The following HECTD4 variants were observed in gnomAD, a reference collection of about 807,000 sequenced individuals.
The protein encoded by HECTD4 is HECT domain E3 ubiquitin protein ligase 4, also known as probable E3 ubiquitin-protein ligase HECTD4.
HECTD4 carries 114 observed loss-of-function variants against 471.5 expected under a neutral mutation model. The observed-to-expected ratio is 0.24, with a 90% confidence interval of 0.21 to 0.28. The LOEUF (loss-of-function observed/expected upper bound fraction) is 0.28. Among genes scored for constraint, HECTD4 ranks in the 10% least tolerant of loss-of-function variants. The pLI is 1.00. For missense variants in HECTD4, 3,866 were observed against 5,651.5 expected (o/e 0.68, Z 10.13); for synonymous variants, 2,012 against 2,256.0 (o/e 0.89, Z 3.07).
rs1420274421 is a variant in HECTD4 at position 112,170,449 on chromosome 12, A to G, written c.11936T>C (p.Leu3979Pro). Residue 3979 changes from leucine (L) to proline (P), a missense_variant, in exon 69 of 76, where the codon CTG (leucine) becomes CCG (proline). By Grantham distance (98) the Leu-to-Pro change is moderately conservative. Around this residue, in one of 16 missense-constraint regions of HECTD4, gnomAD observed 715 missense variants for 1,087.6 expected, o/e 0.66. Transcript: ENST00000682272. ...GGTCACCTTCGTGTCATAGAAGATC[A>G]GCCCTAAGGAGAGGAACGTGGGAGA... Reference protein sequence around the residue: ...IAALLKEAKGLIFYDTKVTVM... With the variant: ...IAALLKEAKGPIFYDTKVTVM... 2.5e-6 allele frequency: 4 copies of G among 1,613,698 alleles called. No homozygotes were observed. The highest frequency in any genetic ancestry group is 1.7e-5 in the Admixed American group (1 of 59,986).
intron 1 of HECTD4, among the ~76,000 whole-genome samples, chr12:112,323,568 G>A (rs543617439): frequency 1.3e-5 from 2 of 151,520 alleles, no homozygotes; most frequent in South Asian, 2.1e-4. Context: ...GTTATGTTCT[G>A]TATGATTTCA....
In HECTD4 at chr12:112,230,743, A is replaced by G. The variant is rs1236722421; in HGVS notation, c.6280T>C (p.Leu2094=). ...GCATTTGATTCAGGTGCCATGAGCA[A>G]GCTATGTAGCAAGGCGATCACTTCT... The part of the protein sequence containing the change: ...AAEVIALLHS[L]LMAPESNAAQ... The change falls in exon 40 of 76, where the codon TTG becomes CTG. Residue 2094 remains leucine (L), a synonymous_variant. Transcript: ENST00000682272. 2.0e-5 allele frequency: 32 copies of G among 1,611,086 alleles called. No homozygotes were observed. The highest frequency in any genetic ancestry group is 2.7e-5 in the Non-Finnish European group (32 of 1,178,746).
intron 8 of HECTD4, among the ~76,000 whole-genome samples, chr12:112,281,456 G>A (rs999371657): frequency 6.6e-6 from 1 of 151,930 alleles, no homozygotes; most frequent in African/African-American, 2.4e-5. Flanking sequence ...TATTTCCATT[G>A]TTTAGGGTAA....
At position 112,308,850 on chromosome 12, in the gene HECTD4, C is replaced by A; in HGVS notation, c.1067G>T (p.Trp356Leu). The A allele has an allele frequency of 6.5e-7, 1 of 1,536,076 alleles. No homozygotes were observed. The highest frequency in any genetic ancestry group is 1.4e-5 in the African/African-American group (1 of 73,162). The change falls in exon 6 of 76, where the codon TGG becomes TTG. Residue 356 changes from tryptophan (W) to leucine (L), a missense_variant. This residue lies in a region of HECTD4 where 440 missense variants were observed against 636.0 expected (regional missense o/e 0.69). Transcript: ENST00000682272. ...YCRNEELEPG[W>L]VAFGSGSLLH... Reference sequence around the variant, plus strand: ...AAGACTGCCGCTGCCAAAAGCCACCCATCCTGGTTCCAACTCCTCGTTCCG... The same window carrying A: ...AAGACTGCCGCTGCCAAAAGCCACCAATCCTGGTTCCAACTCCTCGTTCCG...
intron 60 of HECTD4, among the ~76,000 whole-genome samples, chr12:112,186,681 A>G (rs1352860150): frequency 1.6e-5 from 2 of 128,138 alleles, no homozygotes; most frequent in African/African-American, 5.9e-5. Flanking sequence ...TTTTTTTTTA[A>G]ATTGAGACAG....
intron 1 of HECTD4, among the ~76,000 whole-genome samples, chr12:112,327,252 G>T (rs974296015): frequency 2.6e-5 from 4 of 152,160 alleles, no homozygotes; most frequent in African/African-American, 9.7e-5. Context: ...GGGAGGTGGA[G>T]GTTGCAGTAA....
chr12:112,311,641 GA>G (rs1297048814), intron 4 of HECTD4, among the ~76,000 whole-genome samples: 1 of 145,396 alleles, frequency 6.9e-6, no homozygotes, highest in Non-Finnish European at 1.5e-5. Flanking sequence ...AAAAAGAAAA[GA>G]AAAAGAAAAA....
chr12:112,291,972 C>G (rs1227335171), intron 7 of HECTD4, among the ~76,000 whole-genome samples: 1 of 152,206 alleles, frequency 6.6e-6, no homozygotes, highest in African/African-American at 2.4e-5. Flanking sequence ...TGGTTTGTCT[C>G]TTTAAGTCTC....
intron 32 of HECTD4, 65 bp from the exon 33 acceptor site, chr12:112,240,092 AG>A (rs1439601274): frequency 1.4e-5 from 22 of 1,531,562 alleles, no homozygotes; most frequent in Non-Finnish European, 1.9e-5. Flanking sequence ...TGAGCAGGAG[AG>A]GCCTCTTGAG....
At chr12:112,222,244 AT>A (rs2033117741) in intron 44 of HECTD4, among the ~76,000 whole-genome samples, 1 of 152,104 alleles carries the variant, frequency 6.6e-6, no homozygotes, top group African/African-American at 2.4e-5. Flanking sequence ...TTAAGTAGAG[AT>A]GGGGTTTCAC....
In HECTD4 at chr12:112,229,872, A is replaced by G; in HGVS notation, c.6345T>C (p.Ser2115=). 6.2e-7 allele frequency: 1 copy of G among 1,613,076 alleles called. No individual in the cohort carries two copies. The highest frequency in any genetic ancestry group is 1.3e-5 in the African/African-American group (1 of 75,036). ...ATTGTGGAATGTACATCAGTGCTCTAGACAGAACCTAAATATAGAAGCAGC... is the reference window on the plus strand; with the variant it reads ...ATTGTGGAATGTACATCAGTGCTCTGGACAGAACCTAAATATAGAAGCAGC... ...IWTTTAEKVL[S]RALMYIPQLG... The change falls in exon 41 of 76, where the codon TCT becomes TCC. Residue 2115 remains serine (S), a synonymous_variant. Transcript: ENST00000682272.
At chr12:112,231,855 T>G in intron 38 of HECTD4, 140 bp from the exon 39 acceptor site, 1 of 730,966 alleles carries the variant, frequency 1.4e-6, no homozygotes, top group South Asian at 1.9e-5. Flanking sequence ...ATATGTAGAG[T>G]AAAATTTCCA....
chr12:112,216,560 A>T (rs541484505), intron 47 of HECTD4, among the ~76,000 whole-genome samples, 189 bp from the exon 48 acceptor site: 1 of 152,322 alleles, frequency 6.6e-6, no homozygotes, highest in African/African-American at 2.4e-5. Context: ...AGGGTTATAG[A>T]ATTTGCAAAA....
Position 112,163,004 on chromosome 12 carries a change from G to A in HECTD4, c.13120+38C>T. 6.9e-7 allele frequency: 1 copy of A among 1,450,658 alleles called. No homozygotes were observed. 89.9% of individuals were successfully genotyped at this position (1,450,658 alleles called of 1,614,324 possible). On this transcript the variant is annotated intron_variant, in intron 75 of 75. Coordinates refer to ENST00000682272, the MANE Select transcript of HECTD4 (RefSeq NM_001388303.1). The surrounding 1 kb of genome is among the most constrained non-coding windows in gnomAD (Gnocchi z 8.2). ...CAGTTCCAAACAGAGAAAGGCTAGT[G>A]TGTCCCTACTTGGGACATGGCCAGG...
At position 112,210,088 on chromosome 12, in the gene HECTD4, G is replaced by A. The variant is rs769327415; in HGVS notation, c.7794C>T (p.Gly2598=). 2 of 1,614,034 alleles carry A rather than the reference G, an allele frequency of 1.2e-6. No individual in the cohort carries two copies. Among genetic ancestry groups the A allele is most frequent in the South Asian group, 2.2e-5 (2 of 91,086 alleles). ...TGCCTGGGTCTGATGCAATACTGGT[G>A]CCAGCATCATTGTCACTGTCAGATG... ...AMASDSDNDA[G]TSIASDPGTH... The change falls in exon 50 of 76, where the codon GGC becomes GGT. Residue 2598 remains glycine (G), a synonymous_variant. Transcript: ENST00000682272.
chr12:112,175,648 A>G, intron 66 of HECTD4, 88 bp downstream of exon 66: 1 of 1,435,690 alleles, frequency 7.0e-7, no homozygotes, highest in Non-Finnish European at 9.6e-7. Flanking sequence ...TCAACAGGGG[A>G]GACGGATCAG....
intron 13 of HECTD4, 122 bp from the exon 14 acceptor site, chr12:112,267,104 T>C (rs2034294109): frequency 3.1e-6 from 2 of 641,696 alleles, no homozygotes; most frequent in African/African-American, 3.7e-5. Context: ...GGCTGCGACA[T>C]CTGTCACCCC....
At chr12:112,241,071 C>T (rs1014632270) in intron 32 of HECTD4, among the ~76,000 whole-genome samples, 5 of 152,116 alleles carry the variant, frequency 3.3e-5, no homozygotes, top group Non-Finnish European at 5.9e-5. Context: ...AAGAACACTA[C>T]GGGAGACATC....
At position 112,269,801 on chromosome 12, in the gene HECTD4, T is replaced by C. The variant is rs552163355; in HGVS notation, c.2224A>G (p.Ile742Val). Reference protein sequence around the residue: ...FSPQTERNRDIIRRSGLLLWQ... With the variant: ...FSPQTERNRDVIRRSGLLLWQ... ...AGAAGCAATCCCGACCGTCGAATGA[T>C]GTCTCGATTCCTTTCAGTTTGTGGG... is the stretch of plus-strand genomic sequence containing the variant. The change falls in exon 13 of 76, where the codon ATC becomes GTC. Residue 742 changes from isoleucine (I) to valine (V), a missense_variant. Ile to Val is a conservative substitution (Grantham distance 29, BLOSUM62 3). Transcript: ENST00000682272. 2.3e-5 allele frequency: 37 copies of C among 1,613,866 alleles called. No individual in the cohort carries two copies. Among genetic ancestry groups the C allele is most frequent in the Non-Finnish European group, 3.1e-5 (37 of 1,179,850 alleles).
Sources: allele counts gnomAD v4.1 joint callset (sites outside exome capture counted in the v4.1 genomes callset), GRCh38; gene constraint gnomAD v4.1.1; regional missense constraint gnomAD v4.1.1; non-coding constraint Gnocchi (gnomAD v3.1); transcripts MANE v1.5; gene names NCBI Gene and HGNC (gene_info 2026-07-23, HGNC 2026-07-21).